Variants in CDK19 observed in about 807,000 individuals in gnomAD.
CDK19 encodes cyclin dependent kinase 19, also known as cyclin-dependent kinase 19.
In CDK19, 20 loss-of-function variants were observed where a neutral mutation model predicts 68.3. The ratio of observed to expected loss-of-function variants is 0.29; its 90% CI spans 0.21 to 0.43. The LOEUF (loss-of-function observed/expected upper bound fraction) is 0.43. CDK19 is among the 20% of genes least tolerant of loss of function. The pLI is 1.00. For missense variants in CDK19, 339 were observed against 623.5 expected (o/e 0.54, Z 4.86); for synonymous variants, 221 against 222.8 (o/e 0.99, Z 0.07).
chr6:110,721,791 C>T (rs1420004401), intron 2 of CDK19, among the ~76,000 whole-genome samples: 4 of 151,982 alleles, frequency 2.6e-5, no homozygotes, highest in Non-Finnish European at 2.9e-5. Flanking sequence ...GGTGAAACCT[C>T]GTCTCTACAA....
In CDK19 at chr6:110,686,224, C is replaced by T. The variant is rs906037699; in HGVS notation, c.205-15683G>A. ...TTTTTAAATTACAGTTATGGTGAGG[C>T]TATTAAGGAAAAATACAGAGTGCAT... is the stretch of plus-strand genomic sequence containing the variant. On this transcript the variant is annotated intron_variant, in intron 2 of 12. Coordinates refer to ENST00000368911, the MANE Select transcript of CDK19 (RefSeq NM_015076.5). Among the ~76,000 whole-genome samples, 3 of 152,102 alleles carry T rather than the reference C, an allele frequency of 2.0e-5. No homozygotes were observed. The South Asian group carries it at 6.2e-4, about 31-fold the overall frequency.
intron 2 of CDK19, among the ~76,000 whole-genome samples, chr6:110,704,906 C>A (rs928832596): frequency 1.3e-5 from 2 of 151,644 alleles, no homozygotes; most frequent in African/African-American, 4.9e-5. Context: ...AAAAAGAGGG[C>A]AAGAAAGAGT....
chr6:110,793,588 G>A (rs1781740617), intron 1 of CDK19, among the ~76,000 whole-genome samples: 1 of 152,180 alleles, frequency 6.6e-6, no homozygotes, highest in Admixed American at 6.6e-5. Flanking sequence ...TTAACTCAAA[G>A]ATTTCTTTCC....
intron 4 of CDK19, among the ~76,000 whole-genome samples, chr6:110,654,162 T>C (rs1781153299): frequency 6.6e-6 from 1 of 152,192 alleles, no homozygotes; most frequent in Non-Finnish European, 1.5e-5. Flanking sequence ...GACACAACTT[T>C]CCTCACATTT....
chr6:110,652,756 CAG>C (rs1412831259), intron 4 of CDK19, among the ~76,000 whole-genome samples: 1 of 152,146 alleles, frequency 6.6e-6, no homozygotes, highest in African/African-American at 2.4e-5. Context: ...AATGAAGACA[CAG>C]AGAGAGAAAG....
At chr6:110,643,217 T>C (rs1562151912) in intron 4 of CDK19, 3 of 1,286,182 alleles carry the variant, frequency 2.3e-6, no homozygotes, top group Admixed American at 4.6e-5. Flanking sequence ...AGTAAAACAA[T>C]ACATTTTCCA....
chr6:110,647,492 C>T (rs942362111), intron 4 of CDK19, among the ~76,000 whole-genome samples: 1 of 152,102 alleles, frequency 6.6e-6, no homozygotes, highest in African/African-American at 2.4e-5. Context: ...AAATAAACTA[C>T]ATTAGATCCA....
chr6:110,775,288 AT>A lies in CDK19; in HGVS notation c.129-29088del, dbSNP rs552197803. 9.2e-5 allele frequency among the ~76,000 whole-genome samples: 14 copies of A among 152,240 alleles called. 1 individual carries two copies. In the South Asian group the frequency reaches 2.9e-3, roughly 32 times the overall value. On this transcript the variant is annotated intron_variant, in intron 1 of 12. Transcript: ENST00000368911. ...AAAATAAAAGAAATTAGGTGGAAAA[AT>A]ATACTTCACAAAATAGAGAATGGCA...
chr6:110,644,696 G>A (rs560592283), intron 4 of CDK19, among the ~76,000 whole-genome samples: 8 of 152,034 alleles, frequency 5.3e-5, no homozygotes, highest in African/African-American at 1.9e-4. Context: ...TCTTGCCCCC[G>A]ACCATGGAAC....
In CDK19 at chr6:110,815,241, TCGCG is replaced by T. The variant is rs769553849; in HGVS notation, c.-109_-106del. 1.0e-4 allele frequency: 114 copies of T among 1,128,994 alleles called. No individual in the cohort carries two copies. Among genetic ancestry groups the T allele is most frequent in the Middle Eastern group, 7.1e-4 (2 of 2,802 alleles). 69.9% of individuals were successfully genotyped at this position (1,128,994 alleles called of 1,614,324 possible). On this transcript the variant is annotated 5_prime_UTR_variant, in exon 1 of 13. Coordinates refer to ENST00000368911, the MANE Select transcript of CDK19 (RefSeq NM_015076.5). Reference sequence around the variant, plus strand: ...GCTCCACTTCTCCAACAGCCGCCTCTCGCGCGCGCGCGCGCGCCGCCCGCCGCCC... The same window carrying T: ...GCTCCACTTCTCCAACAGCCGCCTCTCGCGCGCGCGCGCCGCCCGCCGCCC...
chr6:110,796,197 G>C (rs1204435947), intron 1 of CDK19, among the ~76,000 whole-genome samples: 1 of 152,170 alleles, frequency 6.6e-6, no homozygotes, highest in East Asian at 1.9e-4. Context: ...AATTAGCTGG[G>C]CATGGCGGTG....
intron 1 of CDK19, among the ~76,000 whole-genome samples, chr6:110,807,513 G>A (rs1396792327): frequency 6.6e-6 from 1 of 152,144 alleles, no homozygotes; most frequent in African/African-American, 2.4e-5. Flanking sequence ...AGGCTGGAGT[G>A]CAGTGGTGCA....
At chr6:110,685,900 G>A (rs1016928747) in intron 2 of CDK19, among the ~76,000 whole-genome samples, 4 of 152,168 alleles carry the variant, frequency 2.6e-5, no homozygotes, top group Admixed American at 6.5e-5. Flanking sequence ...GCAAAAGGGA[G>A]TATCATAATT....
At chr6:110,756,606 G>A (rs1388338710) in intron 1 of CDK19, among the ~76,000 whole-genome samples, 1 of 151,914 alleles carries the variant, frequency 6.6e-6, no homozygotes, top group Non-Finnish European at 1.5e-5. Context: ...GTACATTGTA[G>A]GCATTCAAGA....
At chr6:110,672,729 C>T (rs1406284983) in intron 2 of CDK19, among the ~76,000 whole-genome samples, 1 of 151,808 alleles carries the variant, frequency 6.6e-6, no homozygotes, top group Non-Finnish European at 1.5e-5. Flanking sequence ...GTTTTCTTAC[C>T]CTTACTCTAT....
At chr6:110,625,082 T>G (rs1229537502) in intron 8 of CDK19, among the ~76,000 whole-genome samples, 1 of 152,242 alleles carries the variant, frequency 6.6e-6, no homozygotes, top group Non-Finnish European at 1.5e-5. Context: ...CCAGGAATTA[T>G]CAGGTCAAAG....
At chr6:110,667,357 A>T in intron 4 of CDK19, 77 bp downstream of exon 4, 2 of 946,884 alleles carry the variant, frequency 2.1e-6, no homozygotes, top group Non-Finnish European at 3.1e-6. Flanking sequence ...TTTTATTATA[A>T]TGGTACCAAG....
intron 12 of CDK19, 143 bp from the exon 13 acceptor site, chr6:110,614,809 T>G: frequency 6.9e-6 from 5 of 722,120 alleles, no homozygotes; most frequent in Non-Finnish European, 1.1e-5. Flanking sequence ...ACTTAAGTTG[T>G]TAACACATTT....
At chr6:110,742,254 T>C (rs949164258) in intron 2 of CDK19, among the ~76,000 whole-genome samples, 5 of 152,214 alleles carry the variant, frequency 3.3e-5, no homozygotes, top group Non-Finnish European at 2.9e-5. Context: ...CTGAACATAA[T>C]TGTGAAGATT....
Sources: allele counts gnomAD v4.1 joint callset (sites outside exome capture counted in the v4.1 genomes callset), GRCh38; gene constraint gnomAD v4.1.1; transcripts MANE v1.5; gene names NCBI Gene and HGNC (gene_info 2026-07-23, HGNC 2026-07-21).